ZNF846: variants seen among roughly 807,000 people sequenced by gnomAD.
ZNF846 encodes zinc finger protein 420 pseudogene.
A neutral mutation model predicts 16.0 loss-of-function variants in ZNF846; 15 were observed. The observed-to-expected ratio is 0.94, with a 90% confidence interval of 0.63 to 1.45. The LOEUF is 1.45. Among genes scored for constraint, ZNF846 ranks in the 40% most tolerant of loss-of-function variants. The pLI, the probability that ZNF846 is intolerant of heterozygous loss-of-function variation, is 0.00. For missense variants in ZNF846, 714 were observed against 622.3 expected (o/e 1.15, Z -1.57); for synonymous variants, 229 against 212.0 (o/e 1.08, Z -0.70).
exon 6 of ZNF846, chr19:9,758,636 A>T (rs1568322110): frequency 6.2e-7 from 1 of 1,613,112 alleles, no homozygotes. Context: ...AGGCTTTTCC[A>T]CTCTGATTAT....
intron 2 of ZNF846, 37 bp from the exon 3 acceptor site, chr19:9,763,445 C>A: frequency 6.4e-7 from 1 of 1,556,566 alleles, no homozygotes. Flanking sequence ...CAGCTAAGTA[C>A]CATCTCCTTT....
downstream of ZNF846, among the ~76,000 whole-genome samples, chr19:9,753,136 C>T (rs1484025349): frequency 2.6e-5 from 4 of 151,648 alleles, no homozygotes; most frequent in Non-Finnish European, 5.9e-5. Context: ...GCCCTCATGA[C>T]TTCATCATGT....
At chr19:9,781,777 ATT>A (rs112251619) in intron 1 of ZNF846, among the ~76,000 whole-genome samples, 29 of 139,936 alleles carry the variant, frequency 2.1e-4, no homozygotes, top group Admixed American at 3.6e-4. Flanking sequence ...AGGGCAAACA[ATT>A]TTTTTTTTTT....
At chr19:9,756,305 GTGTA>G (rs1395224272), downstream of ZNF846, 4 of 142,210 alleles carry the variant, frequency 2.8e-5, no homozygotes, top group Non-Finnish European at 4.5e-5. Context: ...ACATACGTGT[GTGTA>G]TGTGTGTGTG....
At chr19:9,783,289 A>G (rs1487843333) in intron 1 of ZNF846, among the ~76,000 whole-genome samples, 1 of 120,950 alleles carries the variant, frequency 8.3e-6, no homozygotes, top group Non-Finnish European at 1.6e-5. Flanking sequence ...GGAGTGCAGT[A>G]GCACGATCTC....
chr19:9,783,209 C>A (rs1302617721), intron 1 of ZNF846, among the ~76,000 whole-genome samples: 2 of 148,262 alleles, frequency 1.3e-5, no homozygotes, highest in Non-Finnish European at 3.0e-5. Flanking sequence ...TGGACTTCTC[C>A]CTATAATTCT....
chr19:9,783,542 A>ATATATATAT (rs61553274), intron 1 of ZNF846, among the ~76,000 whole-genome samples: 37 of 118,390 alleles, frequency 3.1e-4, no homozygotes, highest in African/African-American at 1.3e-3. Flanking sequence ...AAAAAAAAAA[A>ATATATATAT]AAATATATAT....
chr19:9,758,082 T>A (rs2045161215), exon 6 of ZNF846: 2 of 1,613,568 alleles, frequency 1.2e-6, no homozygotes, highest in Non-Finnish European at 1.7e-6. Context: ...TTCTCCAGTG[T>A]GAATTCGCAT....
downstream of ZNF846, chr19:9,752,542 G>A (rs2045093253): frequency 8.8e-6 from 2 of 226,352 alleles, no homozygotes; most frequent in South Asian, 4.6e-5. Context: ...TTGAACCTGG[G>A]AGGTGGAGGT....
intron 1 of ZNF846, among the ~76,000 whole-genome samples, chr19:9,784,067 G>T (rs2045533226): frequency 6.6e-6 from 1 of 151,922 alleles, no homozygotes; most frequent in African/African-American, 2.4e-5. Flanking sequence ...TTTTCGTATT[G>T]AAGGGGGCCT....
intron 1 of ZNF846, among the ~76,000 whole-genome samples, chr19:9,782,440 TG>T (rs2045511599): frequency 6.6e-6 from 1 of 152,098 alleles, no homozygotes; most frequent in South Asian, 2.1e-4. Flanking sequence ...TTTAATTTTT[TG>T]TTCCAGAGAT....
upstream of ZNF846, among the ~76,000 whole-genome samples, chr19:9,772,613 T>G (rs929526870): frequency 1.4e-5 from 2 of 146,608 alleles, no homozygotes; most frequent in Non-Finnish European, 1.5e-5. Flanking sequence ...AAAAAAAAAG[T>G]GGTAGAGTAC....
At position 9,773,640 on chromosome 19, in the gene ZNF846, G is replaced by C. The variant is rs147785760; in HGVS notation, c.-85-8605C>G. Among the ~76,000 whole-genome samples the C allele has an allele frequency of 1.9e-3, 288 of 152,172 alleles. 2 individuals carry two copies. Among genetic ancestry groups the C allele is most frequent in the African/African-American group, 6.6e-3 (272 of 41,524 alleles). On this transcript the variant is annotated intron_variant, in intron 1 of 4. Coordinates refer to the ZNF846 transcript ENST00000586814. ...CTATTAAAAATACAAAAATTAGCCA[G>C]ACATGGTGGCATGCTCCTGTAATCC...
rs1444718538 is a variant in ZNF846 at position 9,758,495 on chromosome 19, TTG to T, written c.580_581del (p.Gln194ArgfsTer5). On this transcript the variant is annotated frameshift_variant, in exon 6 of 6. Transcript: ENST00000397902. LOFTEE classifies it low-confidence loss of function (END_TRUNC). The stretch of plus-strand genomic sequence containing the variant: ...AGTCTTTGCATTCACACAATTTCTC[TTG>T]TGTGTGAGTTTTATTCTGCCTAGTA... 1.2e-6 allele frequency: 2 copies of T among 1,613,568 alleles called. No homozygotes were observed. The highest frequency in any genetic ancestry group is 1.1e-5 in the South Asian group (1 of 91,062).
chr19:9,754,563 T>TCA (rs776769152), downstream of ZNF846, among the ~76,000 whole-genome samples: 21 of 83,734 alleles, frequency 2.5e-4, 1 homozygote, highest in African/African-American at 6.4e-4. Context: ...AGACTCTGTC[T>TCA]TAAAAAAAAA....
intron 1 of ZNF846, among the ~76,000 whole-genome samples, chr19:9,780,738 T>C (rs1246891477): frequency 6.6e-6 from 1 of 152,112 alleles, no homozygotes; most frequent in Non-Finnish European, 1.5e-5. Flanking sequence ...TGTGAGCCAC[T>C]GCACTCAGCC....
At chr19:9,763,942 T>A (rs932429210) in intron 2 of ZNF846, among the ~76,000 whole-genome samples, 8 of 152,190 alleles carry the variant, frequency 5.3e-5, no homozygotes, top group Admixed American at 3.3e-4. Context: ...AATACAAAAT[T>A]GCATGCAGGA....
chr19:9,773,306 C>A (rs2045404471), upstream of ZNF846, among the ~76,000 whole-genome samples: 1 of 152,080 alleles, frequency 6.6e-6, no homozygotes, highest in Non-Finnish European at 1.5e-5. Context: ...GGGCTATAGG[C>A]GTGCAACACC....
At chr19:9,758,442 G>A in exon 6 of ZNF846, 1 of 1,613,244 alleles carries the variant, frequency 6.2e-7, no homozygotes, top group South Asian at 1.1e-5. Context: ...TAACTTAAGG[G>A]ATGACTGATT....
Sources: gnomAD v4.1 joint callset for allele counts (sites outside exome capture counted in the v4.1 genomes callset) on GRCh38, gnomAD v4.1.1 for gene constraint, MANE v1.5 for transcripts, NCBI Gene and HGNC (gene_info 2026-07-23, HGNC 2026-07-21) for gene names.